Variants in EPHA6 observed in about 807,000 individuals in gnomAD.
EPHA6 encodes EPH receptor A6.
A neutral mutation model predicts 112.0 loss-of-function variants in EPHA6; 50 were observed. The ratio of observed to expected loss-of-function variants is 0.45; its 90% confidence interval spans 0.36 to 0.56. EPHA6 has a LOEUF of 0.56. EPHA6 is among the 20% of genes least tolerant of loss of function. The pLI is 0.00. For missense variants in EPHA6, 1,280 were observed against 1,417.4 expected (o/e 0.90, Z 1.56); for synonymous variants, 529 against 490.7 (o/e 1.08, Z -1.03).
At chr3:97,643,489 A>C (rs2094028597) in intron 14 of EPHA6, among the ~76,000 whole-genome samples, 1 of 149,878 alleles carries the variant, frequency 6.7e-6, no homozygotes, top group South Asian at 2.1e-4. Flanking sequence ...TAAAAGACAC[A>C]GACTGGCAAA....
intron 14 of EPHA6, among the ~76,000 whole-genome samples, chr3:97,642,736 G>A (rs2094019984): frequency 6.6e-6 from 1 of 151,578 alleles, no homozygotes; most frequent in Non-Finnish European, 1.5e-5. Flanking sequence ...GGGAAGTTTA[G>A]AGAAAAAAGA....
At chr3:96,899,920 G>C (rs1186635802) in intron 2 of EPHA6, among the ~76,000 whole-genome samples, 1 of 151,988 alleles carries the variant, frequency 6.6e-6, no homozygotes, top group Non-Finnish European at 1.5e-5. Flanking sequence ...TATAGATCTT[G>C]GAAAGTTTGT....
At chr3:97,136,130 G>A (rs771328286) in intron 3 of EPHA6, among the ~76,000 whole-genome samples, 20 of 152,054 alleles carry the variant, frequency 1.3e-4, no homozygotes, top group Non-Finnish European at 2.6e-4. Context: ...AACATCCCCA[G>A]TTATGCCTTT....
At chr3:97,674,769 T>G (rs138650020) in intron 14 of EPHA6, among the ~76,000 whole-genome samples, 25 of 152,370 alleles carry the variant, frequency 1.6e-4, no homozygotes, top group Admixed American at 5.9e-4. Context: ...TGCTATCATC[T>G]AAAGCGCATC....
Position 97,272,763 on chromosome 3 carries a change from G to A in EPHA6, c.1606+28476G>A, listed in dbSNP as rs542279795. ...GGAACAGGCCATTTTCACTTCTTTT[G>A]TGGTGGAATGTCATCAGTTAAGGCA... On this transcript the variant is annotated intron_variant, in intron 5 of 17. Transcript: ENST00000389672. 8.5e-5 allele frequency among the ~76,000 whole-genome samples: 13 copies of A among 152,222 alleles called. 1 individual carries two copies. In the South Asian group the frequency reaches 2.7e-3, roughly 32 times the overall value.
intron 2 of EPHA6, among the ~76,000 whole-genome samples, chr3:96,938,406 G>A (rs979324767): frequency 1.1e-4 from 16 of 150,756 alleles, no homozygotes; most frequent in African/African-American, 3.9e-4. Flanking sequence ...TTGGCTCTCT[G>A]TTTGTCTGTT....
At chr3:97,155,245 G>T (rs1348409566) in intron 3 of EPHA6, among the ~76,000 whole-genome samples, 1 of 151,662 alleles carries the variant, frequency 6.6e-6, no homozygotes, top group African/African-American at 2.4e-5. Flanking sequence ...TCTCTTTTCT[G>T]TTAGAGTGAA....
intron 11 of EPHA6, among the ~76,000 whole-genome samples, chr3:97,534,504 A>G (rs1389058979): frequency 1.9e-5 from 2 of 106,124 alleles, no homozygotes; most frequent in African/African-American, 7.3e-5. Context: ...AATGAGTTTT[A>G]TACTTTAATT....
At chr3:97,731,608 T>G (rs1369531877) in intron 15 of EPHA6, among the ~76,000 whole-genome samples, 2 of 152,102 alleles carry the variant, frequency 1.3e-5, no homozygotes, top group African/African-American at 2.4e-5. Context: ...TATGTGATAT[T>G]GACCCAATCT....
intron 2 of EPHA6, among the ~76,000 whole-genome samples, chr3:96,923,294 G>A (rs2039869054): frequency 6.6e-6 from 1 of 152,120 alleles, no homozygotes; most frequent in African/African-American, 2.4e-5. Flanking sequence ...AACCTAACCA[G>A]CATCTGCTAT....
intron 3 of EPHA6, among the ~76,000 whole-genome samples, chr3:97,210,842 G>C (rs538730823): frequency 6.6e-6 from 1 of 152,200 alleles, no homozygotes; most frequent in African/African-American, 2.4e-5. Context: ...GCATCAGCTG[G>C]ATTGGCAGGA....
At chr3:97,470,549 T>C (rs1361806325) in intron 7 of EPHA6, among the ~76,000 whole-genome samples, 1 of 151,856 alleles carries the variant, frequency 6.6e-6, no homozygotes, top group East Asian at 1.9e-4. Context: ...GACAAAATCA[T>C]ATGCCTCCAT....
At chr3:97,349,415 C>A (rs1478655674) in intron 5 of EPHA6, among the ~76,000 whole-genome samples, 1 of 151,992 alleles carries the variant, frequency 6.6e-6, no homozygotes, top group South Asian at 2.1e-4. Flanking sequence ...ATCAACAACT[C>A]CTCACACATA....
intron 14 of EPHA6, among the ~76,000 whole-genome samples, chr3:97,704,458 T>C (rs1559615111): frequency 6.6e-6 from 1 of 152,192 alleles, no homozygotes; most frequent in Non-Finnish European, 1.5e-5. Context: ...CTTCAAACTC[T>C]GACTGAATTG....
intron 5 of EPHA6, among the ~76,000 whole-genome samples, chr3:97,396,247 C>G (rs951055948): frequency 6.7e-6 from 1 of 150,332 alleles, no homozygotes; most frequent in African/African-American, 2.4e-5. Context: ...CTCATTTTCT[C>G]ACATATGCAC....
intron 6 of EPHA6, among the ~76,000 whole-genome samples, chr3:97,422,458 G>A (rs1187088673): frequency 5.9e-5 from 9 of 152,060 alleles, no homozygotes; most frequent in Non-Finnish European, 4.4e-5. Context: ...CATAAAACAG[G>A]TTTTTAGAGA....
intron 5 of EPHA6, among the ~76,000 whole-genome samples, chr3:97,286,907 A>T (rs578192487): frequency 6.6e-6 from 1 of 151,874 alleles, no homozygotes; most frequent in African/African-American, 2.4e-5. Flanking sequence ...TATCTTTTTC[A>T]ATCACTTTCG....
At chr3:97,187,742 A>AAAG in intron 3 of EPHA6, among the ~76,000 whole-genome samples, 1 of 150,072 alleles carries the variant, frequency 6.7e-6, no homozygotes, top group South Asian at 2.1e-4. Flanking sequence ...AGAAAGAAAG[A>AAAG]AAGAGGAAAG....
chr3:96,844,080 C>T (rs1209807280), intron 1 of EPHA6, among the ~76,000 whole-genome samples: 1 of 151,900 alleles, frequency 6.6e-6, no homozygotes, highest in East Asian at 1.9e-4. Flanking sequence ...AGTAGGTTTA[C>T]TTAGTAGAAA....
Sources: gnomAD v4.1 joint callset for allele counts (sites outside exome capture counted in the v4.1 genomes callset) on GRCh38, gnomAD v4.1.1 for gene constraint, MANE v1.5 for transcripts, NCBI Gene and HGNC (gene_info 2026-07-23, HGNC 2026-07-21) for gene names.